Variants in NCKAP5 observed in about 807,000 individuals in gnomAD.
NCKAP5 encodes NCK associated protein 5, also known as nck-associated protein 5.
A neutral mutation model predicts 167.0 loss-of-function variants in NCKAP5; 92 were observed. The observed-to-expected ratio is 0.55, with a 90% CI of 0.47 to 0.66. NCKAP5 has a LOEUF of 0.66. Ranked by LOEUF, NCKAP5 falls within the 30% of genes least tolerant of loss-of-function variation. NCKAP5 has a pLI of 0.00. For synonymous variants in NCKAP5, 891 were observed against 877.4 expected (o/e 1.02, Z -0.27); for missense variants, 2,378 against 2,315.0 (o/e 1.03, Z -0.56).
intron 4 of NCKAP5, among the ~76,000 whole-genome samples, chr2:133,238,974 C>T (rs1370669561): frequency 6.6e-6 from 1 of 152,104 alleles, no homozygotes; most frequent in Non-Finnish European, 1.5e-5. Flanking sequence ...AATAGTGAAC[C>T]CCAATTCCTT....
At chr2:132,764,071 A>G (rs554882015) in intron 16 of NCKAP5, among the ~76,000 whole-genome samples, 1 of 152,332 alleles carries the variant, frequency 6.6e-6, no homozygotes, top group African/African-American at 2.4e-5. Context: ...GTGAAAAAAC[A>G]GAGGAAAGGA....
At chr2:133,466,849 T>C (rs1386950158) in intron 3 of NCKAP5, among the ~76,000 whole-genome samples, 2 of 152,138 alleles carry the variant, frequency 1.3e-5, no homozygotes, top group South Asian at 2.1e-4. Context: ...GTGATTTTTG[T>C]ACATTGATTT....
intron 4 of NCKAP5, among the ~76,000 whole-genome samples, chr2:133,229,300 G>T (rs1398068781): frequency 1.3e-5 from 2 of 152,152 alleles, no homozygotes; most frequent in African/African-American, 2.4e-5. Context: ...GACACAGTGA[G>T]AGAGAACAAA....
chr2:133,438,037 G>C (rs144319166), intron 3 of NCKAP5, among the ~76,000 whole-genome samples: 1 of 152,194 alleles, frequency 6.6e-6, no homozygotes, highest in Non-Finnish European at 1.5e-5. Context: ...TTCCAACCCA[G>C]TTCCCCCTTG....
the NCKAP5 span, among the ~76,000 whole-genome samples, chr2:133,578,355 C>T: frequency 8.5e-5 from 13 of 152,324 alleles, no homozygotes; most frequent in South Asian, 8.3e-4. Flanking sequence ...AAAGTGATGC[C>T]GTGTTGAGCC....
intron 4 of NCKAP5, among the ~76,000 whole-genome samples, chr2:133,292,636 A>G (rs964893670): frequency 6.6e-6 from 1 of 152,208 alleles, no homozygotes; most frequent in African/African-American, 2.4e-5. Flanking sequence ...GGTGACCCCC[A>G]AATCGTATTG....
the NCKAP5 span, among the ~76,000 whole-genome samples, chr2:133,641,364 C>T: frequency 6.6e-6 from 1 of 152,174 alleles, no homozygotes; most frequent in East Asian, 1.9e-4. Flanking sequence ...TACCTTTCTC[C>T]ACCATCTAAT....
intron 11 of NCKAP5, among the ~76,000 whole-genome samples, chr2:132,811,224 T>A (rs1009668343): frequency 6.6e-6 from 1 of 152,010 alleles, no homozygotes; most frequent in Non-Finnish European, 1.5e-5. Flanking sequence ...GGCTTAATGT[T>A]CTATTTTTGT....
At chr2:133,382,033 T>G (rs1200259291) in intron 3 of NCKAP5, among the ~76,000 whole-genome samples, 3 of 152,224 alleles carry the variant, frequency 2.0e-5, no homozygotes, top group Admixed American at 6.5e-5. Context: ...ATCAAACTCA[T>G]GATTTGCACG....
chr2:132,908,289 T>C (rs962328146), intron 8 of NCKAP5, among the ~76,000 whole-genome samples: 9 of 152,154 alleles, frequency 5.9e-5, no homozygotes, highest in Non-Finnish European at 1.0e-4. Context: ...TCCTACAACA[T>C]GGTTTTTAGG....
At position 133,472,708 on chromosome 2, in the gene NCKAP5, C is replaced by T. The variant is rs570888294; in HGVS notation, c.69+44750G>A. 1.2e-4 allele frequency among the ~76,000 whole-genome samples: 19 copies of T among 152,236 alleles called. No homozygotes were observed. The East Asian group carries it at 3.7e-3, about 29-fold the overall frequency. On this transcript the variant is annotated intron_variant, in intron 3 of 19. Transcript: ENST00000409261. ...AACTCCTCAAATATTTTCCCAAACA[C>T]TAAACAATAACTTCTCCTAGAAGCT... is the stretch of plus-strand genomic sequence containing the variant.
chr2:133,342,161 G>A (rs1317395510), intron 3 of NCKAP5, among the ~76,000 whole-genome samples: 10 of 151,972 alleles, frequency 6.6e-5, no homozygotes, highest in Non-Finnish European at 1.3e-4. Flanking sequence ...GGATGGTCTC[G>A]ATCTCCTGAC....
At chr2:133,439,156 CG>C (rs1690678330) in intron 3 of NCKAP5, among the ~76,000 whole-genome samples, 1 of 152,140 alleles carries the variant, frequency 6.6e-6, no homozygotes, top group Non-Finnish European at 1.5e-5. Context: ...ATCCTGATCT[CG>C]GGATATTACG....
rs72989653 is a variant in NCKAP5, at chr2:133,377,891, C to A, written c.70-74781G>T. The stretch of plus-strand genomic sequence containing the variant: ...CCTTGGATTCATGAGACCAGGAAAA[C>A]CCCTGATCCACACAGGGAGCAGTCT... On this transcript the variant is annotated intron_variant, in intron 3 of 19. Coordinates refer to ENST00000409261, the MANE Select transcript of NCKAP5 (RefSeq NM_207363.3). Among the ~76,000 whole-genome samples, 734 of 151,892 alleles carry A rather than the reference C, an allele frequency of 4.8e-3. 12 individuals carry two copies. Among genetic ancestry groups the A allele is most frequent in the African/African-American group, 0.016 (671 of 41,368 alleles).
chr2:133,155,529 T>C (rs1165949799), intron 5 of NCKAP5, among the ~76,000 whole-genome samples: 2 of 152,214 alleles, frequency 1.3e-5, no homozygotes, highest in Non-Finnish European at 2.9e-5. Context: ...GGTGACCCAC[T>C]CTACAAGACT....
the NCKAP5 span, among the ~76,000 whole-genome samples, chr2:133,668,306 C>T: frequency 6.6e-6 from 1 of 151,990 alleles, no homozygotes; most frequent in Non-Finnish European, 1.5e-5. Flanking sequence ...TAGGAGTGGA[C>T]CTGATGCATC....
chr2:133,232,657 T>C (rs576480820), intron 4 of NCKAP5, among the ~76,000 whole-genome samples: 109 of 150,710 alleles, frequency 7.2e-4, no homozygotes, highest in Non-Finnish European at 1.5e-3. Context: ...AGGAAGGAAA[T>C]TCACAAATAG....
At chr2:132,809,932 T>C (rs1287877385) in intron 11 of NCKAP5, among the ~76,000 whole-genome samples, 1 of 152,222 alleles carries the variant, frequency 6.6e-6, no homozygotes, top group Admixed American at 6.5e-5. Flanking sequence ...CCAGGATTTG[T>C]TTCAAGATTT....
intron 7 of NCKAP5, among the ~76,000 whole-genome samples, chr2:132,987,659 T>C (rs2077327057): frequency 6.6e-6 from 1 of 152,112 alleles, no homozygotes; most frequent in Admixed American, 6.5e-5. Flanking sequence ...AGCTCAGGGC[T>C]CTTTAAGAAG....
Sources: allele counts gnomAD v4.1 joint callset (sites outside exome capture counted in the v4.1 genomes callset), GRCh38; gene constraint gnomAD v4.1.1; transcripts MANE v1.5; gene names NCBI Gene and HGNC (gene_info 2026-07-23, HGNC 2026-07-21).